Variants in NRG1 observed in about 807,000 individuals in gnomAD.
The protein encoded by NRG1 is neuregulin 1, also known as pro-neuregulin-1, membrane-bound isoform.
Under a neutral mutation model 63.8 loss-of-function variants are expected in NRG1, and 18 were observed. The observed-to-expected ratio is 0.28, with a 90% CI of 0.19 to 0.42. The LOEUF is 0.42. Among genes scored for constraint, NRG1 ranks in the 10% least tolerant of loss-of-function variants. The pLI, the probability that NRG1 is intolerant of heterozygous loss-of-function variation, is 1.00. For synonymous variants in NRG1, 302 were observed against 301.3 expected, an observed-to-expected ratio of 1.00 and a Z score of -0.02; for missense variants, 762 against 814.7, an observed-to-expected ratio of 0.94 and a Z score of 0.79.
intron 1 of NRG1, among the ~76,000 whole-genome samples, chr8:32,396,713 A>T (rs750939731): frequency 2.0e-5 from 3 of 152,108 alleles, no homozygotes; most frequent in Admixed American, 1.3e-4. Flanking sequence ...CTCCCAAAGT[A>T]CTGGGATTAC....
chr8:32,336,348 C>G (rs1323542575), intron 1 of NRG1, among the ~76,000 whole-genome samples: 1 of 152,070 alleles, frequency 6.6e-6, no homozygotes, highest in African/African-American at 2.4e-5. Flanking sequence ...CATGGAGCAG[C>G]GAGAGAACAA....
chr8:32,076,079 A>C (rs181014841), intron 1 of NRG1, among the ~76,000 whole-genome samples: 39 of 152,292 alleles, frequency 2.6e-4, no homozygotes, highest in African/African-American at 9.1e-4. Flanking sequence ...TGTTATTGTC[A>C]TGTCTTTTAT....
At chr8:32,060,402 A>G (rs768164809) in intron 1 of NRG1, among the ~76,000 whole-genome samples, 15 of 151,972 alleles carry the variant, frequency 9.9e-5, no homozygotes, top group African/African-American at 3.4e-4. Context: ...TTTGGCATCA[A>G]TGAGCCTCCA....
intron 1 of NRG1, among the ~76,000 whole-genome samples, chr8:31,668,436 T>C (rs939536402): frequency 6.6e-6 from 1 of 152,202 alleles, no homozygotes; most frequent in Non-Finnish European, 1.5e-5. Flanking sequence ...GAGGGATATC[T>C]CTTTGTCTTG....
chr8:32,671,776 G>A (rs1393826361), intron 5 of NRG1, among the ~76,000 whole-genome samples: 1 of 152,086 alleles, frequency 6.6e-6, no homozygotes, highest in Non-Finnish European at 1.5e-5. Flanking sequence ...TAAGCTTAAT[G>A]TGCTTTCATT....
At chr8:31,787,657 A>T (rs1048135298) in intron 1 of NRG1, among the ~76,000 whole-genome samples, 21 of 152,222 alleles carry the variant, frequency 1.4e-4, no homozygotes, top group African/African-American at 5.1e-4. Context: ...ATAAGTTGTC[A>T]TAAGCTTATT....
chr8:32,709,479 G>A (rs1158107792), intron 5 of NRG1, among the ~76,000 whole-genome samples: 1 of 151,784 alleles, frequency 6.6e-6, no homozygotes, highest in Non-Finnish European at 1.5e-5. Context: ...GAGTACAGTG[G>A]CATGAACTAC....
intron 9 of NRG1, among the ~76,000 whole-genome samples, chr8:32,758,325 C>T (rs1295811504): frequency 6.6e-6 from 1 of 151,950 alleles, no homozygotes; most frequent in Non-Finnish European, 1.5e-5. Flanking sequence ...ACCTGTAATG[C>T]CAGCACTTTG....
At chr8:32,679,090 G>A (rs894483498) in intron 5 of NRG1, among the ~76,000 whole-genome samples, 25 of 152,032 alleles carry the variant, frequency 1.6e-4, no homozygotes, top group South Asian at 6.3e-4. Context: ...CCAGGAGTTC[G>A]AGTCCAGCCT....
intron 1 of NRG1, among the ~76,000 whole-genome samples, chr8:31,642,734 T>A (rs1360608806): frequency 6.6e-6 from 1 of 152,220 alleles, no homozygotes; most frequent in Non-Finnish European, 1.5e-5. Flanking sequence ...ACAAAGTTAC[T>A]GCCCTGGATT....
chr8:32,057,100 T>A (rs1456577863), intron 1 of NRG1, among the ~76,000 whole-genome samples: 2 of 152,166 alleles, frequency 1.3e-5, no homozygotes, highest in Non-Finnish European at 2.9e-5. Flanking sequence ...ACCATAAAGA[T>A]GGCAAAAAGT....
intron 1 of NRG1, among the ~76,000 whole-genome samples, chr8:32,305,900 T>G (rs983598): frequency 0.51 from 77,195 of 152,038 alleles, 20,484 homozygotes; most frequent in African/African-American, 0.67. Flanking sequence ...CAGTCTTTGG[T>G]TCTCATCCCA....
chr8:32,696,690 G>A (rs903932507), intron 5 of NRG1, among the ~76,000 whole-genome samples: 8 of 135,908 alleles, frequency 5.9e-5, no homozygotes, highest in South Asian at 2.3e-4. Flanking sequence ...ACACAGAGTC[G>A]TGCTCTTGTT....
intron 1 of NRG1, among the ~76,000 whole-genome samples, chr8:32,500,567 A>G (rs931297556): frequency 6.6e-6 from 1 of 152,206 alleles, no homozygotes; most frequent in Non-Finnish European, 1.5e-5. Context: ...AGGACAGCCA[A>G]TGTTTCCAAT....
At chr8:32,113,924 A>G (rs1393959251) in intron 1 of NRG1, among the ~76,000 whole-genome samples, 1 of 152,210 alleles carries the variant, frequency 6.6e-6, no homozygotes, top group African/African-American at 2.4e-5. Flanking sequence ...AGAAAGGCCA[A>G]TGGTCTAAGA....
At chr8:32,702,547 T>C (rs1815200897) in intron 5 of NRG1, among the ~76,000 whole-genome samples, 1 of 152,122 alleles carries the variant, frequency 6.6e-6, no homozygotes, top group Non-Finnish European at 1.5e-5. Context: ...AGTGCAGTGG[T>C]GCAGTCTTGG....
intron 1 of NRG1, among the ~76,000 whole-genome samples, chr8:32,313,023 G>C (rs531443538): frequency 4.6e-5 from 7 of 152,010 alleles, no homozygotes; most frequent in Non-Finnish European, 8.8e-5. Context: ...TGTGGTGGTG[G>C]ACGCCTGTAA....
intron 1 of NRG1, among the ~76,000 whole-genome samples, chr8:32,335,024 A>G (rs1017684627): frequency 2.6e-5 from 4 of 152,108 alleles, no homozygotes; most frequent in Non-Finnish European, 5.9e-5. Flanking sequence ...CACAGATAAG[A>G]AAGTGGAGGC....
intron 1 of NRG1, among the ~76,000 whole-genome samples, chr8:31,910,576 T>G (rs1391367807): frequency 1.3e-5 from 2 of 152,172 alleles, no homozygotes. Context: ...AATGTCACAT[T>G]TGAGATGCCC....
Sources: gnomAD v4.1 joint callset for allele counts (sites outside exome capture counted in the v4.1 genomes callset) on GRCh38, gnomAD v4.1.1 for gene constraint, MANE v1.5 for transcripts, NCBI Gene and HGNC (gene_info 2026-07-23, HGNC 2026-07-21) for gene names.